The following NUAK1 variants were observed in gnomAD, a reference collection of about 807,000 sequenced individuals.
NUAK1 encodes the protein NUAK family kinase 1.
In NUAK1, 26 loss-of-function variants were observed where a neutral mutation model predicts 56.9. That is an observed-to-expected ratio of 0.46 (90% CI 0.33 to 0.63). The LOEUF (loss-of-function observed/expected upper bound fraction) is 0.63. NUAK1 is among the 30% of genes least tolerant of loss of function. The probability of loss-of-function intolerance (pLI) is 0.02; values close to 1 mark genes in which losing one functional copy is unlikely to be tolerated. For synonymous variants in NUAK1, 337 were observed against 336.0 expected (o/e 1.00, Z -0.03); for missense variants, 727 against 876.1 (o/e 0.83, Z 2.15).
intron 4 of NUAK1, among the ~76,000 whole-genome samples, chr12:106,082,229 G>A (rs1404046631): frequency 1.3e-5 from 2 of 152,200 alleles, no homozygotes; most frequent in Non-Finnish European, 1.5e-5. Context: ...TGCAGAGACA[G>A]GAACTGGCAA....
chr12:106,123,175 A>G (rs1398535962), intron 1 of NUAK1, among the ~76,000 whole-genome samples: 1 of 152,246 alleles, frequency 6.6e-6, no homozygotes, highest in East Asian at 1.9e-4. Flanking sequence ...GATACAAAAA[A>G]TGTGATGAAC....
chr12:106,072,940 G>A, intron 4 of NUAK1, 97 bp from the exon 5 acceptor site: 1 of 1,424,486 alleles, frequency 7.0e-7, no homozygotes, highest in Non-Finnish European at 9.7e-7. Context: ...AGTGGATGAA[G>A]GGCACCTGGG....
At chr12:106,137,132 G>C (rs1446154917) in intron 1 of NUAK1, among the ~76,000 whole-genome samples, 2 of 152,140 alleles carry the variant, frequency 1.3e-5, no homozygotes, top group African/African-American at 4.8e-5. Flanking sequence ...AATGGGTTGG[G>C]AGGGCGTTAT....
At chr12:106,092,071 A>G (rs2032641028) in intron 2 of NUAK1, among the ~76,000 whole-genome samples, 1 of 152,056 alleles carries the variant, frequency 6.6e-6, no homozygotes, top group Non-Finnish European at 1.5e-5. Context: ...GGGCACCAGC[A>G]CTCACATCAA....
At chr12:106,083,382 T>C (rs1386538007) in intron 4 of NUAK1, among the ~76,000 whole-genome samples, 1 of 152,224 alleles carries the variant, frequency 6.6e-6, no homozygotes, top group Non-Finnish European at 1.5e-5. Flanking sequence ...AAATCCCAAC[T>C]CTACTCTTTA....
At chr12:106,122,897 T>C (rs1338475321) in intron 1 of NUAK1, among the ~76,000 whole-genome samples, 3 of 152,232 alleles carry the variant, frequency 2.0e-5, no homozygotes, top group Admixed American at 6.5e-5. Context: ...GCCACTGGAC[T>C]GAATAAGCTC....
intron 4 of NUAK1, among the ~76,000 whole-genome samples, chr12:106,083,411 C>G (rs1560757): frequency 0.2 from 31,026 of 152,130 alleles, 3,340 homozygotes; most frequent in East Asian, 0.4. Context: ...TTACCTTGGG[C>G]AAATTACTTA....
intron 6 of NUAK1, among the ~76,000 whole-genome samples, chr12:106,070,497 T>C (rs1167452201): frequency 6.6e-6 from 1 of 152,150 alleles, no homozygotes; most frequent in Admixed American, 6.5e-5. Context: ...TTATTTATGG[T>C]GGAGAATCTG....
At chr12:106,078,269 A>G (rs144345202) in intron 4 of NUAK1, among the ~76,000 whole-genome samples, 85 of 152,378 alleles carry the variant, frequency 5.6e-4, no homozygotes, top group African/African-American at 1.7e-3. Flanking sequence ...GCTATATGCC[A>G]GGCACGGTTC....
intron 2 of NUAK1, 159 bp from the exon 3 acceptor site, chr12:106,087,044 G>A: frequency 1.2e-6 from 1 of 833,528 alleles, no homozygotes; most frequent in Non-Finnish European, 1.8e-6. Flanking sequence ...CGAGGCGTGG[G>A]GCGTGCTGTC....
intron 2 of NUAK1, among the ~76,000 whole-genome samples, chr12:106,097,094 G>A (rs1211542225): frequency 2.6e-5 from 4 of 152,246 alleles, no homozygotes; most frequent in East Asian, 3.9e-4. Context: ...GCCCTGGCAC[G>A]GTACTTAGCA....
At chr12:106,080,904 C>T (rs747797226) in intron 4 of NUAK1, among the ~76,000 whole-genome samples, 25 of 152,338 alleles carry the variant, frequency 1.6e-4, no homozygotes, top group Admixed American at 4.6e-4. Context: ...GCACAGAGGC[C>T]GGCTTGTGGC....
intron 5 of NUAK1, 29 bp from the exon 6 acceptor site, chr12:106,070,935 G>A (rs755088910): frequency 6.2e-7 from 1 of 1,613,424 alleles, no homozygotes; most frequent in African/African-American, 1.3e-5. Context: ...ACATATAGGA[G>A]AGCTGGGAAA....
chr12:106,086,152 T>C (rs2032568532), intron 3 of NUAK1, among the ~76,000 whole-genome samples: 1 of 152,218 alleles, frequency 6.6e-6, no homozygotes, highest in Admixed American at 6.5e-5. Flanking sequence ...AATATTCATA[T>C]ATAAAGATAC....
In NUAK1 at chr12:106,106,511, G is replaced by A. The variant is rs540624410; in HGVS notation, c.255C>T (p.Ser85=). 1 of 1,612,388 alleles carries A rather than the reference G, an allele frequency of 6.2e-7. No homozygotes were observed. Among genetic ancestry groups the A allele is most frequent in the Non-Finnish European group, 8.5e-7 (1 of 1,179,432 alleles). The change falls in exon 2 of 7, where the codon TCC becomes TCT. Residue 85 remains serine (S), a synonymous_variant. Transcript: ENST00000261402. ...CATCCTTAATTTTGTCCTTACGAAT[G>A]GATTTTATAGCAACCTATAAAGTCA... ...RFSGRVVAIK[S]IRKDKIKDEQ...
Position 106,138,261 on chromosome 12 carries a change from G to C in NUAK1, c.240+153C>G, listed in dbSNP as rs1469345910. ...GACACGCCTGAGTCACGGGGTGCTG[G>C]AGAAAGAGTGAGGAGTCTGTCTCGG... On this transcript the variant is annotated intron_variant, in intron 1 of 6. Coordinates refer to ENST00000261402, the MANE Select transcript of NUAK1 (RefSeq NM_014840.3). The surrounding 1 kb of genome is among the most constrained non-coding windows in gnomAD (Gnocchi z 5.0). Among the ~76,000 whole-genome samples, 1 of 152,214 alleles carries C rather than the reference G, an allele frequency of 6.6e-6. No homozygotes were observed. The highest frequency in any genetic ancestry group is 1.5e-5 in the Non-Finnish European group (1 of 68,030).
intron 1 of NUAK1, among the ~76,000 whole-genome samples, chr12:106,121,519 G>A (rs1468151128): frequency 6.6e-6 from 1 of 152,214 alleles, no homozygotes; most frequent in Admixed American, 6.5e-5. Context: ...GGAGGCCAAG[G>A]CCAGCAGATC....
intron 6 of NUAK1, among the ~76,000 whole-genome samples, chr12:106,069,904 GGC>G (rs2032386950): frequency 6.6e-6 from 1 of 152,132 alleles, no homozygotes; most frequent in Non-Finnish European, 1.5e-5. Flanking sequence ...TCTCTATACA[GGC>G]ATGATATTCC....
chr12:106,084,198 A>ATCCC (rs756033792), intron 3 of NUAK1, among the ~76,000 whole-genome samples: 12 of 152,196 alleles, frequency 7.9e-5, no homozygotes, highest in Non-Finnish European at 1.3e-4. Flanking sequence ...GAGCCTGTAA[A>ATCCC]ACAGCAGGGG....
Sources: gnomAD v4.1 joint callset for allele counts (sites outside exome capture counted in the v4.1 genomes callset) on GRCh38, gnomAD v4.1.1 for gene constraint, Gnocchi (gnomAD v3.1) non-coding constraint, MANE v1.5 for transcripts, NCBI Gene and HGNC (gene_info 2026-07-23, HGNC 2026-07-21) for gene names.